The following PCDHGA2 variants were observed in gnomAD, a reference collection of about 807,000 sequenced individuals.
The protein encoded by PCDHGA2 is protocadherin gamma subfamily A, 2, also known as protocadherin gamma-A2.
PCDHGA2 carries 40 observed loss-of-function variants against 59.2 expected under a neutral mutation model. The ratio of observed to expected loss-of-function variants is 0.68; its 90% CI spans 0.52 to 0.88. The LOEUF is 0.88. PCDHGA2 is among the 40% of genes least tolerant of loss of function. PCDHGA2 has a pLI of 0.00. For synonymous variants in PCDHGA2, 560 were observed against 526.0 expected (o/e 1.06, Z -0.89); for missense variants, 1,226 against 1,204.0 (o/e 1.02, Z -0.27).
At chr5:141,376,154 C>T (rs1425376305) in intron 1 of PCDHGA2, 11 of 1,614,032 alleles carry the variant, frequency 6.8e-6, no homozygotes, top group Middle Eastern at 1.7e-4. Flanking sequence ...GGACCTCACT[C>T]TGTACCTGGT....
intron 1 of PCDHGA2, among the ~76,000 whole-genome samples, chr5:141,381,826 CTTTTTTTTT>C (rs770630741): frequency 5.4e-5 from 4 of 74,286 alleles, no homozygotes; most frequent in African/African-American, 2.5e-4. Flanking sequence ...CTTTCTTCTT[CTTTTTTTTT>C]TTTTTTTTTT....
At position 141,351,978 on chromosome 5, in the gene PCDHGA2, T is replaced by C. The variant is rs550902479; in HGVS notation, c.2424+10583T>C. ...CCTGATGGCTCCGCCCTCTTCGATA[T>C]GGTGCCACGCGCCGCAGAGCCCGGC... On this transcript the variant is annotated intron_variant, in intron 1 of 3. Coordinates refer to ENST00000394576, the MANE Select transcript of PCDHGA2 (RefSeq NM_018915.4). 6.2e-6 allele frequency: 10 copies of C among 1,612,196 alleles called. No homozygotes were observed. In the African/African-American group the frequency reaches 1.3e-4, roughly 21 times the overall value.
At chr5:141,344,270 G>A (rs1365211645) in intron 1 of PCDHGA2, 2 of 1,613,960 alleles carry the variant, frequency 1.2e-6, no homozygotes, top group Non-Finnish European at 1.7e-6. Context: ...CTCTGAATCC[G>A]CAAAGCGGCA....
chr5:141,356,469 T>A, intron 1 of PCDHGA2: 1 of 1,613,784 alleles, frequency 6.2e-7, no homozygotes, highest in Non-Finnish European at 8.5e-7. Flanking sequence ...TCACTGTAAC[T>A]GCCACTGACC....
At chr5:141,388,390 A>C (rs202036029) in intron 1 of PCDHGA2, 182 of 1,613,912 alleles carry the variant, frequency 1.1e-4, no homozygotes, top group Non-Finnish European at 1.4e-4. Context: ...ACACTGCAGA[A>C]TTACCAACTC....
chr5:141,362,163 C>A, intron 1 of PCDHGA2: 1 of 1,614,056 alleles, frequency 6.2e-7, no homozygotes, highest in East Asian at 2.2e-5. Flanking sequence ...CAGACCTCAG[C>A]GACCGCCGGG....
At position 141,491,566 on chromosome 5, in the gene PCDHGA2, A is replaced by G; in HGVS notation, c.2425-3241A>G. Reference sequence around the variant, plus strand: ...AGACTCGCAGAGCCACTGCTACAGGACGTGCTTTTCACCGGCCTCGGACGG... The same window carrying G: ...AGACTCGCAGAGCCACTGCTACAGGGCGTGCTTTTCACCGGCCTCGGACGG... On this transcript the variant is annotated intron_variant, in intron 1 of 3. Transcript: ENST00000394576. This position sits in a 1 kb window ranked among gnomAD's most constrained non-coding sequence, Gnocchi z 6.9. 1 of 1,613,950 alleles carries G rather than the reference A, an allele frequency of 6.2e-7. No individual in the cohort carries two copies.
intron 1 of PCDHGA2, chr5:141,355,008 C>G (rs959780132): frequency 1.5e-5 from 12 of 807,364 alleles, no homozygotes; most frequent in Non-Finnish European, 1.8e-5. Context: ...AAAGACAAAC[C>G]AGAAATTTAA....
chr5:141,341,027 G>T lies in PCDHGA2; in HGVS notation c.2056G>T (p.Asp686Tyr), dbSNP rs374361232. The change falls in exon 1 of 4, where the codon GAT becomes TAT. Residue 686 changes from aspartate to tyrosine, a missense_variant. Coordinates refer to ENST00000394576, the MANE Select transcript of PCDHGA2 (RefSeq NM_018915.4). ...GSLEPSAIPN[D>Y]SDLTLYLVVA... ...CCTCGAGCCCTCCGCCATACCCAAC[G>T]ATTCGGACCTCACTCTGTACCTGGT... 6.8e-6 allele frequency: 11 copies of T among 1,614,034 alleles called. No homozygotes were observed. In the South Asian group the frequency reaches 8.8e-5, roughly 13 times the overall value.
chr5:141,398,832 C>T (rs967769671), intron 1 of PCDHGA2: 3 of 1,614,000 alleles, frequency 1.9e-6, no homozygotes, highest in Non-Finnish European at 1.7e-6. Flanking sequence ...TAACCGACGC[C>T]AATGATAATC....
intron 1 of PCDHGA2, among the ~76,000 whole-genome samples, chr5:141,368,447 C>T (rs1257309487): frequency 1.3e-5 from 2 of 152,048 alleles, no homozygotes; most frequent in African/African-American, 4.8e-5. Flanking sequence ...AATGTACAAA[C>T]TCACCGAATA....
Position 141,486,799 on chromosome 5 carries a change from C to A in PCDHGA2, c.2425-8008C>A. The A allele has an allele frequency of 6.2e-7, 1 of 1,614,220 alleles. No individual in the cohort carries two copies. Among genetic ancestry groups the A allele is most frequent in the African/African-American group, 1.3e-5 (1 of 75,060 alleles). ...AGGTGCAGGCCCGGGATCGGGGCAA[C>A]CCACCCCTTAGCAGCACTGTAACAG... On this transcript the variant is annotated intron_variant, in intron 1 of 3. Coordinates refer to ENST00000394576, the MANE Select transcript of PCDHGA2 (RefSeq NM_018915.4). This position sits in a 1 kb window ranked among gnomAD's most constrained non-coding sequence, Gnocchi z 5.0.
intron 1 of PCDHGA2, chr5:141,360,589 T>C: frequency 6.2e-7 from 1 of 1,613,982 alleles, no homozygotes; most frequent in East Asian, 2.2e-5. Flanking sequence ...AGGTACAACA[T>C]TTCCACTTGA....
rs1456451105 is a variant in PCDHGA2 at position 141,477,377 on chromosome 5, C to T, written c.2425-17430C>T. Reference sequence around the variant, plus strand: ...TGCAGACCTGGATCGGGAGACTGTGCCAGAATACAACCTCAGCATCACCGC... The same window carrying T: ...TGCAGACCTGGATCGGGAGACTGTGTCAGAATACAACCTCAGCATCACCGC... On this transcript the variant is annotated intron_variant, in intron 1 of 3. Coordinates refer to ENST00000394576, the MANE Select transcript of PCDHGA2 (RefSeq NM_018915.4). This position sits in a 1 kb window ranked among gnomAD's most constrained non-coding sequence, Gnocchi z 4.9. 1 of 1,614,144 alleles carries T rather than the reference C, an allele frequency of 6.2e-7. No homozygotes were observed. Among genetic ancestry groups the T allele is most frequent in the South Asian group, 1.1e-5 (1 of 91,080 alleles).
chr5:141,355,458 C>T lies in PCDHGA2; in HGVS notation c.2424+14063C>T, dbSNP rs1759862433. The T allele has an allele frequency of 3.1e-6, 5 of 1,614,050 alleles. No individual in the cohort carries two copies. The South Asian group carries it at 5.5e-5, about 18-fold the overall frequency. ...ACCCGCGCAGCGGCACCTTGGTCAC[C>T]GCGGGTAGGATAGACAGGGAGGAGC... On this transcript the variant is annotated intron_variant, in intron 1 of 3. Coordinates refer to ENST00000394576, the MANE Select transcript of PCDHGA2 (RefSeq NM_018915.4).
At chr5:141,419,617 C>G (rs780077182) in intron 1 of PCDHGA2, 1 of 1,612,280 alleles carries the variant, frequency 6.2e-7, no homozygotes. Flanking sequence ...AGCCAGGCTA[C>G]CTGGTGACCA....
chr5:141,403,053 C>T (rs754618954), intron 1 of PCDHGA2: 2 of 1,614,076 alleles, frequency 1.2e-6, no homozygotes, highest in Non-Finnish European at 1.7e-6. Context: ...ATTCGCTACT[C>T]AGTGCCTGAA....
intron 1 of PCDHGA2, chr5:141,343,739 AAT>A (rs1232254277): frequency 2.7e-4 from 77 of 282,746 alleles, no homozygotes; most frequent in African/African-American, 1.6e-3. Context: ...CAAAAATAAT[AAT>A]GTGTCTGAGA....
chr5:141,402,071 A>G, intron 1 of PCDHGA2, among the ~76,000 whole-genome samples: 2 of 152,340 alleles, frequency 1.3e-5, no homozygotes, highest in Middle Eastern at 3.4e-3. Context: ...AAAACTAAGC[A>G]TTTTTGAAAT....
Sources: gnomAD v4.1 joint callset for allele counts (sites outside exome capture counted in the v4.1 genomes callset) on GRCh38, gnomAD v4.1.1 for gene constraint, Gnocchi (gnomAD v3.1) non-coding constraint, MANE v1.5 for transcripts, NCBI Gene and HGNC (gene_info 2026-07-23, HGNC 2026-07-21) for gene names.